The following SRBD1 variants were observed in gnomAD, a reference collection of about 807,000 sequenced individuals.
SRBD1 encodes the protein S1 RNA-binding domain-containing protein 1.
Under a neutral mutation model 115.3 loss-of-function variants are expected in SRBD1, and 88 were observed. That is an observed-to-expected ratio of 0.76 (90% CI 0.64 to 0.91). The LOEUF is 0.91. SRBD1 is among the 40% of genes least tolerant of loss of function. SRBD1 has a pLI of 0.00. For missense variants in SRBD1, 1,385 were observed against 1,177.4 expected, an observed-to-expected ratio of 1.18 and a Z score of -2.58; for synonymous variants, 509 against 407.7, an observed-to-expected ratio of 1.25 and a Z score of -2.99.
chr2:45,462,832 A>G (rs1669360489), intron 16 of SRBD1, among the ~76,000 whole-genome samples: 1 of 152,010 alleles, frequency 6.6e-6, no homozygotes, highest in Non-Finnish European at 1.5e-5. Flanking sequence ...TCTCAAAAAA[A>G]AAAGTACACT....
intron 14 of SRBD1, among the ~76,000 whole-genome samples, chr2:45,494,978 G>C (rs889375015): frequency 1.3e-5 from 2 of 152,024 alleles, no homozygotes; most frequent in African/African-American, 4.8e-5. Context: ...ATTTTCCACA[G>C]AGAACAACTC....
intron 16 of SRBD1, among the ~76,000 whole-genome samples, chr2:45,448,591 T>C (rs1668899130): frequency 6.6e-6 from 1 of 152,160 alleles, no homozygotes; most frequent in South Asian, 2.1e-4. Context: ...CTGGAAAGGC[T>C]TGTGCCCTAA....
At position 45,444,998 on chromosome 2, in the gene SRBD1, C is replaced by T. The variant is rs181299876; in HGVS notation, c.2050-25104G>A. Among the ~76,000 whole-genome samples, 3 of 152,260 alleles carry T rather than the reference C, an allele frequency of 2.0e-5. No individual in the cohort carries two copies. In the East Asian group the frequency reaches 5.8e-4, roughly 29 times the overall value. Reference sequence around the variant, plus strand: ...AAATAACATTGTCAAATTTGCTCTCCATTTTAGGAACTCAAGGCAAGACAA... The same window carrying T: ...AAATAACATTGTCAAATTTGCTCTCTATTTTAGGAACTCAAGGCAAGACAA... On this transcript the variant is annotated intron_variant, in intron 16 of 20. Coordinates refer to ENST00000263736, the MANE Select transcript of SRBD1 (RefSeq NM_018079.5).
intron 14 of SRBD1, among the ~76,000 whole-genome samples, chr2:45,495,473 ACT>A (rs550617341): frequency 3.0e-4 from 45 of 150,828 alleles, no homozygotes; most frequent in African/African-American, 9.7e-4. Context: ...TAAGCATCTC[ACT>A]CTCTCTCTCT....
chr2:45,602,026 TTTC>T lies in SRBD1; in HGVS notation c.135_137del (p.Lys46del). 1 of 1,614,180 alleles carries T rather than the reference TTTC, an allele frequency of 6.2e-7. No individual in the cohort carries two copies. ...GGGGCTGTTTACGGCTTCTGGGAAC[TTTC>T]TTTTGGGGCTCCCAGGCACTATCTT... is the stretch of plus-strand genomic sequence containing the variant. On this transcript the variant is annotated inframe_deletion, in exon 3 of 21. Transcript: ENST00000263736.
chr2:45,475,875 T>C (rs935442436), intron 16 of SRBD1, among the ~76,000 whole-genome samples: 2 of 152,174 alleles, frequency 1.3e-5, no homozygotes, highest in African/African-American at 2.4e-5. Flanking sequence ...ATTTTTGTAT[T>C]CTTAGTAGAG....
At chr2:45,410,886 C>T (rs1667582619) in intron 19 of SRBD1, among the ~76,000 whole-genome samples, 2 of 152,046 alleles carry the variant, frequency 1.3e-5, no homozygotes, top group South Asian at 2.1e-4. Flanking sequence ...ATATCCTTTC[C>T]CCCATATACC....
chr2:45,513,968 A>T (rs1331683858), intron 14 of SRBD1, among the ~76,000 whole-genome samples: 2 of 152,176 alleles, frequency 1.3e-5, no homozygotes, highest in East Asian at 3.8e-4. Flanking sequence ...ATTTAGAATC[A>T]GATGATTTGG....
chr2:45,427,460 A>T (rs1668191036), intron 16 of SRBD1, among the ~76,000 whole-genome samples: 1 of 152,182 alleles, frequency 6.6e-6, no homozygotes, highest in Non-Finnish European at 1.5e-5. Context: ...AGGAAAAATA[A>T]GCAGGGGTTG....
intron 8 of SRBD1, 85 bp from the exon 9 acceptor site, chr2:45,573,427 A>C: frequency 6.8e-7 from 1 of 1,470,218 alleles, no homozygotes; most frequent in African/African-American, 1.5e-5. Context: ...GGATAGCAAA[A>C]AAAGTTAAGC....
chr2:45,434,207 T>C (rs1668421645), intron 16 of SRBD1, among the ~76,000 whole-genome samples: 2 of 152,236 alleles, frequency 1.3e-5, no homozygotes, highest in African/African-American at 4.8e-5. Flanking sequence ...TTATTTGTTC[T>C]GCACAAGACA....
At chr2:45,522,419 C>T (rs933990603) in intron 14 of SRBD1, among the ~76,000 whole-genome samples, 1 of 152,128 alleles carries the variant, frequency 6.6e-6, no homozygotes, top group African/African-American at 2.4e-5. Context: ...CTCAAGCAAT[C>T]CTCCTGTCTC....
At chr2:45,565,906 G>A (rs1360476952) in intron 9 of SRBD1, among the ~76,000 whole-genome samples, 2 of 152,220 alleles carry the variant, frequency 1.3e-5, no homozygotes, top group African/African-American at 4.8e-5. Context: ...GATTATAGGC[G>A]TGAGCCATCG....
chr2:45,397,340 T>C (rs1038744981), intron 19 of SRBD1, among the ~76,000 whole-genome samples: 3 of 152,240 alleles, frequency 2.0e-5, no homozygotes, highest in African/African-American at 7.2e-5. Context: ...ACTCTATGTA[T>C]ACATTTCTTT....
At chr2:45,445,205 G>A (rs1668784667) in intron 16 of SRBD1, among the ~76,000 whole-genome samples, 1 of 151,982 alleles carries the variant, frequency 6.6e-6, no homozygotes. Flanking sequence ...AAATTTCTGG[G>A]ACTCAGCTGA....
intron 16 of SRBD1, among the ~76,000 whole-genome samples, chr2:45,464,668 C>G (rs1377040464): frequency 6.6e-6 from 1 of 152,152 alleles, no homozygotes; most frequent in Admixed American, 6.6e-5. Context: ...CAGCCATTCA[C>G]TATCAACTAA....
intron 15 of SRBD1, among the ~76,000 whole-genome samples, chr2:45,477,396 C>T (rs181885306): frequency 1.1e-4 from 16 of 152,266 alleles, no homozygotes; most frequent in South Asian, 2.1e-4. Flanking sequence ...TCATTCTTTA[C>T]GTAAAGCATA....
chr2:45,511,724 C>G (rs920890729), intron 14 of SRBD1, among the ~76,000 whole-genome samples: 3 of 152,172 alleles, frequency 2.0e-5, no homozygotes, highest in African/African-American at 7.2e-5. Flanking sequence ...CATAAGAAGC[C>G]TCTTAGACTT....
intron 20 of SRBD1, among the ~76,000 whole-genome samples, chr2:45,391,853 T>C (rs1259474383): frequency 6.6e-6 from 1 of 152,160 alleles, no homozygotes; most frequent in Non-Finnish European, 1.5e-5. Flanking sequence ...CAGTACAGGA[T>C]ACCTGCAGTT....
Sources: allele counts gnomAD v4.1 joint callset (sites outside exome capture counted in the v4.1 genomes callset), GRCh38; gene constraint gnomAD v4.1.1; transcripts MANE v1.5; gene names NCBI Gene and HGNC (gene_info 2026-07-23, HGNC 2026-07-21).